The following ACTR3C variants were observed in gnomAD, a reference collection of about 807,000 sequenced individuals.
The protein encoded by ACTR3C is actin-related protein 3C.
A neutral mutation model predicts 26.3 loss-of-function variants in ACTR3C; 18 were observed. The ratio of observed to expected loss-of-function variants is 0.68; its 90% CI spans 0.47 to 1.01. The LOEUF is 1.01. Ranked by LOEUF, ACTR3C falls within the 50% of genes least tolerant of loss-of-function variation. The probability of loss-of-function intolerance (pLI) is 0.00; values close to 1 mark genes in which losing one functional copy is unlikely to be tolerated. For synonymous variants in ACTR3C, 55 were observed against 94.5 expected, an observed-to-expected ratio of 0.58 and a Z score of 2.42; for missense variants, 184 against 250.7, an observed-to-expected ratio of 0.73 and a Z score of 1.80.
chr7:149,996,647 A>C, the ACTR3C span, among the ~76,000 whole-genome samples: 1 of 151,966 alleles, frequency 6.6e-6, no homozygotes, highest in Admixed American at 6.6e-5. Context: ...TTGCTCTATT[A>C]TAATCTAATC....
At chr7:150,197,881 C>T in the ACTR3C span, among the ~76,000 whole-genome samples, 98 of 148,274 alleles carry the variant, frequency 6.6e-4, no homozygotes, top group Non-Finnish European at 1.2e-3. Flanking sequence ...CTCCCCTCTC[C>T]CCACGGTCTC....
the ACTR3C span, chr7:150,073,905 G>A: frequency 6.6e-6 from 1 of 152,180 alleles, no homozygotes; most frequent in Non-Finnish European, 1.5e-5. Flanking sequence ...GCAGTTTTAT[G>A]CTATTGATGT....
the ACTR3C span, chr7:150,001,028 A>T: frequency 2.0e-5 from 3 of 152,592 alleles, no homozygotes; most frequent in Non-Finnish European, 2.9e-5. Flanking sequence ...CACCCAAGAA[A>T]AATGGCAGCG....
chr7:150,198,465 T>C, the ACTR3C span, among the ~76,000 whole-genome samples: 1 of 131,726 alleles, frequency 7.6e-6, no homozygotes, highest in South Asian at 2.6e-4. Flanking sequence ...CCGCCCATCG[T>C]CTGAGATGTG....
At chr7:150,277,115 C>G (rs1314195653) in intron 6 of ACTR3C, among the ~76,000 whole-genome samples, 4 of 152,126 alleles carry the variant, frequency 2.6e-5, no homozygotes, top group Admixed American at 2.6e-4. Flanking sequence ...GCCTGAGTTT[C>G]CAGCCTGCCA....
chr7:149,945,190 A>C, the ACTR3C span, among the ~76,000 whole-genome samples: 1 of 152,042 alleles, frequency 6.6e-6, no homozygotes, highest in South Asian at 2.1e-4. Context: ...GGAGGCACTG[A>C]TGTGGTCCCA....
At chr7:149,939,821 A>G in the ACTR3C span, among the ~76,000 whole-genome samples, 2 of 148,300 alleles carry the variant, frequency 1.3e-5, no homozygotes, top group Non-Finnish European at 3.0e-5. Flanking sequence ...CAGAATAACC[A>G]AAATGTGAAC....
the ACTR3C span, among the ~76,000 whole-genome samples, chr7:150,047,101 G>A: frequency 1.2e-4 from 18 of 151,802 alleles, no homozygotes; most frequent in Non-Finnish European, 4.4e-5. Context: ...GTAAGAAGAG[G>A]AACGAAGGAG....
Position 150,247,279 on chromosome 7 carries a change from C to T in ACTR3C, c.*329G>A, listed in dbSNP as rs545763468. ...TCTCTCCAGGTGAAGTTTGTGCAAG[C>T]GTGAGTTAAGAGATTTGATGAAATT... On this transcript the variant is annotated 3_prime_UTR_variant, in exon 8 of 8. Coordinates refer to ENST00000683684, the MANE Select transcript of ACTR3C (RefSeq NM_001164458.2). The T allele has an allele frequency of 1.1e-4, 17 of 152,294 alleles. No homozygotes were observed. Among genetic ancestry groups the T allele is most frequent in the African/African-American group, 3.1e-4 (13 of 41,552 alleles). The allele number at this position is 152,294 out of a possible 1,614,324, so 9.4% of individuals were successfully genotyped here. A position where few individuals can be genotyped will look rare whatever the true frequency, so the allele number is the denominator to read the frequency against.
At chr7:149,953,081 C>G in the ACTR3C span, among the ~76,000 whole-genome samples, 1 of 149,220 alleles carries the variant, frequency 6.7e-6, no homozygotes, top group South Asian at 2.1e-4. Context: ...ATCTGTGAAG[C>G]TATAGCCCAA....
At position 150,306,380 on chromosome 7, in the gene ACTR3C, G is replaced by C. The variant is rs540483549; in HGVS notation, c.-51-11033C>G. On this transcript the variant is annotated intron_variant, in intron 1 of 7. Transcript: ENST00000683684. Reference sequence around the variant, plus strand: ...GCGCGGGAAGCTGAAGTAGACAGAAGGAAGCAGCTGGGCTCGGTGCCTGCT... The same window carrying C: ...GCGCGGGAAGCTGAAGTAGACAGAACGAAGCAGCTGGGCTCGGTGCCTGCT... Among the ~76,000 whole-genome samples the C allele has an allele frequency of 3.3e-5, 5 of 152,236 alleles. No homozygotes were observed. In the East Asian group the frequency reaches 5.8e-4, roughly 18 times the overall value.
chr7:150,065,203 G>C, the ACTR3C span, among the ~76,000 whole-genome samples: 1 of 152,038 alleles, frequency 6.6e-6, no homozygotes, highest in Non-Finnish European at 1.5e-5. Context: ...AGTGAGGCGG[G>C]ACTGAAATAA....
At chr7:150,105,913 T>A in the ACTR3C span, among the ~76,000 whole-genome samples, 1 of 152,102 alleles carries the variant, frequency 6.6e-6, no homozygotes, top group East Asian at 1.9e-4. Context: ...AAACTTAATT[T>A]ATACCTTAAG....
chr7:150,319,784 T>C (rs1797309049), intron 1 of ACTR3C, among the ~76,000 whole-genome samples: 1 of 152,208 alleles, frequency 6.6e-6, no homozygotes, highest in South Asian at 2.1e-4. Flanking sequence ...CTAATGTAGC[T>C]ACTTCCCACT....
At chr7:150,282,036 C>T (rs898478736) in intron 6 of ACTR3C, among the ~76,000 whole-genome samples, 16 of 143,858 alleles carry the variant, frequency 1.1e-4, no homozygotes, top group Admixed American at 8.7e-4. Context: ...TCTTAGGCCT[C>T]AATATTAAAC....
the ACTR3C span, among the ~76,000 whole-genome samples, chr7:150,158,952 C>A: frequency 6.7e-6 from 1 of 148,670 alleles, no homozygotes; most frequent in Non-Finnish European, 1.5e-5. Context: ...CGGGCACACA[C>A]AGGTACACAC....
At chr7:150,096,970 A>G in the ACTR3C span, among the ~76,000 whole-genome samples, 1 of 152,226 alleles carries the variant, frequency 6.6e-6, no homozygotes, top group African/African-American at 2.4e-5. Context: ...CTGCCCAGGC[A>G]GAAGCAAGCA....
intron 1 of ACTR3C, among the ~76,000 whole-genome samples, chr7:150,316,407 C>T (rs1412186211): frequency 6.6e-6 from 1 of 152,132 alleles, no homozygotes; most frequent in African/African-American, 2.4e-5. Flanking sequence ...TACCAACCCC[C>T]AGCCACTACT....
chr7:150,198,019 T>C, the ACTR3C span, among the ~76,000 whole-genome samples: 2 of 151,426 alleles, frequency 1.3e-5, no homozygotes, highest in East Asian at 1.9e-4. Flanking sequence ...CACGCCTGAC[T>C]GGTTTTGGTG....
Sources: gnomAD v4.1 joint callset for allele counts (sites outside exome capture counted in the v4.1 genomes callset) on GRCh38, gnomAD v4.1.1 for gene constraint, MANE v1.5 for transcripts, NCBI Gene and HGNC (gene_info 2026-07-23, HGNC 2026-07-21) for gene names.